The following MGST1 variants were observed in gnomAD, a reference collection of about 807,000 sequenced individuals.
MGST1 encodes the protein microsomal glutathione S-transferase 1.
In MGST1, 5 loss-of-function variants were observed where a neutral mutation model predicts 8.9. That is an observed-to-expected ratio of 0.56 (90% CI 0.29 to 1.19). The LOEUF (loss-of-function observed/expected upper bound fraction) is 1.19. MGST1 is among the 50% of genes most tolerant of loss of function. The pLI is 0.08. For missense variants in MGST1, 182 were observed against 187.4 expected, an observed-to-expected ratio of 0.97 and a Z score of 0.17; for synonymous variants, 54 against 67.8, an observed-to-expected ratio of 0.80 and a Z score of 1.00.
chr12:16,525,103 T>C (rs1027320419), intron 4 of MGST1, among the ~76,000 whole-genome samples: 2 of 152,018 alleles, frequency 1.3e-5, no homozygotes, highest in Admixed American at 1.3e-4. Flanking sequence ...TAAATTGGCC[T>C]TCTTTCCTTT....
chr12:16,472,221 A>T (rs1396306832), intron 4 of MGST1, among the ~76,000 whole-genome samples: 1 of 152,054 alleles, frequency 6.6e-6, no homozygotes, highest in Admixed American at 6.6e-5. Context: ...GCCCCATAAA[A>T]AGTACTTATA....
intron 4 of MGST1, among the ~76,000 whole-genome samples, chr12:16,511,311 T>G (rs188555019): frequency 6.6e-6 from 1 of 152,342 alleles, no homozygotes; most frequent in Admixed American, 6.5e-5. Context: ...GTGGGGCTAA[T>G]GCCCATGACT....
intron 4 of MGST1, among the ~76,000 whole-genome samples, chr12:16,575,105 G>A (rs990645073): frequency 1.5e-4 from 23 of 152,176 alleles, no homozygotes; most frequent in African/African-American, 5.6e-4. Context: ...ACAGTATTAT[G>A]TAACCTGGTA....
intron 4 of MGST1, among the ~76,000 whole-genome samples, chr12:16,575,375 G>A (rs555369750): frequency 1.3e-5 from 2 of 152,206 alleles, no homozygotes; most frequent in East Asian, 1.9e-4. Flanking sequence ...TGATACCTCC[G>A]CAAATTAGAC....
intron 1 of MGST1, among the ~76,000 whole-genome samples, chr12:16,422,439 A>G (rs1384312514): frequency 6.6e-6 from 1 of 152,136 alleles, no homozygotes; most frequent in African/African-American, 2.4e-5. Context: ...TATTTTCAGC[A>G]TGTGCCACAC....
At chr12:16,364,633 G>A (rs962287814), downstream of MGST1, among the ~76,000 whole-genome samples, 1 of 151,972 alleles carries the variant, frequency 6.6e-6, no homozygotes, top group African/African-American at 2.4e-5. This position sits in a 1 kb window ranked among gnomAD's most constrained non-coding sequence, Gnocchi z 5.7. Context: ...ACTTCAGCAC[G>A]TTTTTCCTAT....
downstream of MGST1, among the ~76,000 whole-genome samples, chr12:16,592,213 C>T (rs1298424131): frequency 6.6e-6 from 1 of 151,958 alleles, no homozygotes; most frequent in Non-Finnish European, 1.5e-5. Flanking sequence ...TAAATGGTTT[C>T]ATTGTAGAAC....
intron 1 of MGST1, among the ~76,000 whole-genome samples, chr12:16,388,831 A>G (rs1940526175): frequency 6.6e-6 from 1 of 152,194 alleles, no homozygotes; most frequent in African/African-American, 2.4e-5. Flanking sequence ...AGGAGACTTG[A>G]GTGGAGACTC....
chr12:16,356,916 A>G (rs181892573), intron 2 of MGST1, among the ~76,000 whole-genome samples: 13 of 152,328 alleles, frequency 8.5e-5, no homozygotes, highest in Admixed American at 3.9e-4. Flanking sequence ...AGATGAGCCA[A>G]TCGCTTGGAA....
At chr12:16,489,788 A>C (rs1306816232) in intron 4 of MGST1, among the ~76,000 whole-genome samples, 1 of 152,174 alleles carries the variant, frequency 6.6e-6, no homozygotes, top group African/African-American at 2.4e-5. Flanking sequence ...ATCACCAACT[A>C]TGGTAGAATT....
At chr12:16,364,465 G>C (rs928380524), downstream of MGST1, 13 of 919,304 alleles carry the variant, frequency 1.4e-5, no homozygotes, top group African/African-American at 2.2e-4. The surrounding 1 kb of genome is among the most constrained non-coding windows in gnomAD (Gnocchi z 5.7). Context: ...TCAAACCTAG[G>C]GTAAAGTTGA....
At chr12:16,444,519 A>G (rs1054972426) in intron 4 of MGST1, among the ~76,000 whole-genome samples, 92 of 151,922 alleles carry the variant, frequency 6.1e-4, no homozygotes, top group African/African-American at 2.1e-3. Flanking sequence ...GTATCTTTCA[A>G]AGTAACTCCT....
chr12:16,472,433 GT>G (rs766108157), intron 4 of MGST1, among the ~76,000 whole-genome samples: 5,559 of 129,614 alleles, frequency 0.043, 254 homozygotes, highest in African/African-American at 0.13. Context: ...CCTTCCTTCT[GT>G]TTTTTTTTTT....
intron 1 of MGST1, among the ~76,000 whole-genome samples, chr12:16,391,296 G>C (rs1940551138): frequency 6.6e-6 from 1 of 151,826 alleles, no homozygotes; most frequent in African/African-American, 2.4e-5. Context: ...TTGTCCTAAT[G>C]CTCTCCCTCC....
At chr12:16,446,439 C>T (rs1332370392) in intron 4 of MGST1, among the ~76,000 whole-genome samples, 2 of 151,830 alleles carry the variant, frequency 1.3e-5, no homozygotes, top group Non-Finnish European at 2.9e-5. Flanking sequence ...CATCTTCAGC[C>T]TCTTGAGGAG....
chr12:16,527,487 G>A (rs1941694723), intron 4 of MGST1, among the ~76,000 whole-genome samples: 1 of 152,018 alleles, frequency 6.6e-6, no homozygotes, highest in Non-Finnish European at 1.5e-5. Flanking sequence ...GAATTAGTAG[G>A]TTATGGAATT....
At position 16,513,609 on chromosome 12, in the gene MGST1, G is replaced by A. The variant is rs1941591351; in HGVS notation, n.483-75919G>A. 4.0e-6 allele frequency: 2 copies of A among 494,370 alleles called. No homozygotes were observed. Among genetic ancestry groups the A allele is most frequent in the South Asian group, 1.5e-5 (1 of 65,584 alleles). The allele number at this position is 494,370 out of a possible 1,614,324, so 30.6% of individuals were successfully genotyped here. On this transcript the variant is annotated intron_variant and non_coding_transcript_variant, in intron 4 of 4. Transcript: ENST00000538857. This position sits in a 1 kb window ranked among gnomAD's most constrained non-coding sequence, Gnocchi z 4.2. ...GTGCCTACAGGGACCACAACGGAAA[G>A]CCTTACAGCATCCACAAGGCAGAGG...
chr12:16,554,240 G>A (rs1215745292), intron 4 of MGST1, among the ~76,000 whole-genome samples: 1 of 152,120 alleles, frequency 6.6e-6, no homozygotes, highest in Non-Finnish European at 1.5e-5. Context: ...GTTATCAAAA[G>A]CCTATGCTAA....
intron 1 of MGST1, among the ~76,000 whole-genome samples, chr12:16,409,562 T>C (rs997310514): frequency 6.6e-6 from 1 of 152,100 alleles, no homozygotes; most frequent in Non-Finnish European, 1.5e-5. Flanking sequence ...AAATGAATCC[T>C]CTCTGGGGAA....
Sources: gnomAD v4.1 joint callset for allele counts (sites outside exome capture counted in the v4.1 genomes callset) on GRCh38, gnomAD v4.1.1 for gene constraint, Gnocchi (gnomAD v3.1) non-coding constraint, MANE v1.5 for transcripts, NCBI Gene and HGNC (gene_info 2026-07-23, HGNC 2026-07-21) for gene names.